The following COL8A1 variants were observed in gnomAD, a reference collection of about 807,000 sequenced individuals.
COL8A1 encodes collagen alpha-1(VIII) chain.
A neutral mutation model predicts 42.7 loss-of-function variants in COL8A1; 21 were observed. That is an observed-to-expected ratio of 0.49 (90% confidence interval 0.35 to 0.71). The LOEUF (loss-of-function observed/expected upper bound fraction) is 0.71. Ranked by LOEUF, COL8A1 falls within the 30% of genes least tolerant of loss-of-function variation. The pLI, the probability that COL8A1 is intolerant of heterozygous loss-of-function variation, is 0.01. For missense variants in COL8A1, 788 were observed against 962.4 expected (o/e 0.82, Z 2.40); for synonymous variants, 367 against 369.1 (o/e 0.99, Z 0.06).
intron 1 of COL8A1, among the ~76,000 whole-genome samples, chr3:99,689,253 C>T (rs965741866): frequency 2.0e-5 from 3 of 152,174 alleles, no homozygotes; most frequent in African/African-American, 4.8e-5. Flanking sequence ...ATGGCCTGTT[C>T]GAGTGTAGGG....
At chr3:99,652,645 C>T (rs1265214167) in intron 1 of COL8A1, among the ~76,000 whole-genome samples, 2 of 152,116 alleles carry the variant, frequency 1.3e-5, no homozygotes, top group African/African-American at 4.8e-5. Flanking sequence ...GCAAGGTTTG[C>T]TTAGGGAAAA....
At chr3:99,692,882 G>A (rs1939260588) in intron 1 of COL8A1, among the ~76,000 whole-genome samples, 1 of 152,246 alleles carries the variant, frequency 6.6e-6, no homozygotes, top group Non-Finnish European at 1.5e-5. Context: ...GCACATGGCT[G>A]GACGCGTGGC....
At chr3:99,656,734 G>A (rs748694938) in intron 1 of COL8A1, among the ~76,000 whole-genome samples, 3 of 152,176 alleles carry the variant, frequency 2.0e-5, no homozygotes, top group Non-Finnish European at 2.9e-5. Context: ...ACTGACTCAC[G>A]TCTTTTTCTA....
At chr3:99,730,266 C>T (rs1311150507) in intron 1 of COL8A1, among the ~76,000 whole-genome samples, 1 of 152,084 alleles carries the variant, frequency 6.6e-6, no homozygotes, top group Non-Finnish European at 1.5e-5. Context: ...TATGTGTTTC[C>T]TCTTCCTTCA....
At chr3:99,641,499 A>G (rs1384423006) in intron 1 of COL8A1, among the ~76,000 whole-genome samples, 4 of 152,204 alleles carry the variant, frequency 2.6e-5, no homozygotes, top group Admixed American at 2.0e-4. Context: ...TCTAAAAGCT[A>G]TACTATGAGT....
At chr3:99,657,728 T>C (rs1576416758) in intron 1 of COL8A1, among the ~76,000 whole-genome samples, 1 of 152,156 alleles carries the variant, frequency 6.6e-6, no homozygotes, top group Non-Finnish European at 1.5e-5. Flanking sequence ...GTGCCCCTCA[T>C]CCCATGCCTC....
chr3:99,670,394 T>C (rs892073357), intron 1 of COL8A1, among the ~76,000 whole-genome samples: 7 of 152,210 alleles, frequency 4.6e-5, no homozygotes, highest in Admixed American at 2.6e-4. Context: ...GCTAGGTTGA[T>C]GAGTAAACAT....
intron 1 of COL8A1, among the ~76,000 whole-genome samples, chr3:99,724,225 T>C (rs1940238462): frequency 6.6e-6 from 1 of 152,116 alleles, no homozygotes; most frequent in African/African-American, 2.4e-5. Flanking sequence ...TTGGTCCTCC[T>C]ATATGTCACA....
chr3:99,694,775 A>C (rs1479606322), intron 1 of COL8A1, among the ~76,000 whole-genome samples: 4 of 152,218 alleles, frequency 2.6e-5, no homozygotes, highest in African/African-American at 4.8e-5. Flanking sequence ...ATAGATCAGC[A>C]TTCTTCAGTG....
chr3:99,775,403 G>A (rs956130040), intron 2 of COL8A1, among the ~76,000 whole-genome samples: 1 of 152,168 alleles, frequency 6.6e-6, no homozygotes, highest in East Asian at 1.9e-4. Flanking sequence ...TGGGAAAAGA[G>A]GGCTGGGGTC....
intron 1 of COL8A1, among the ~76,000 whole-genome samples, chr3:99,646,619 C>G (rs773438669): frequency 2.6e-5 from 4 of 151,952 alleles, no homozygotes; most frequent in Non-Finnish European, 5.9e-5. Context: ...AGGAAGGGCT[C>G]AAAGTATTTA....
At chr3:99,674,750 T>C (rs1183888769) in intron 1 of COL8A1, among the ~76,000 whole-genome samples, 4 of 152,006 alleles carry the variant, frequency 2.6e-5, no homozygotes, top group African/African-American at 4.8e-5. Context: ...AATCAAATGT[T>C]TGAAGTTGGA....
chr3:99,785,282 G>C (rs530272248), intron 2 of COL8A1, among the ~76,000 whole-genome samples: 1 of 152,122 alleles, frequency 6.6e-6, no homozygotes, highest in Non-Finnish European at 1.5e-5. Context: ...AGCTGAATTA[G>C]GTATTTTTGA....
intron 1 of COL8A1, among the ~76,000 whole-genome samples, chr3:99,662,085 A>G (rs1428760066): frequency 1.3e-5 from 2 of 152,218 alleles, no homozygotes; most frequent in Non-Finnish European, 2.9e-5. Context: ...ACACTTAAAA[A>G]TGGTTAATAT....
intron 1 of COL8A1, among the ~76,000 whole-genome samples, chr3:99,655,506 C>G (rs973657526): frequency 2.0e-5 from 3 of 152,186 alleles, no homozygotes; most frequent in African/African-American, 7.2e-5. Flanking sequence ...CTGCAGCAGA[C>G]AGAGGCACAC....
intron 2 of COL8A1, among the ~76,000 whole-genome samples, chr3:99,789,772 C>T (rs1018756003): frequency 6.6e-6 from 1 of 152,182 alleles, no homozygotes. Flanking sequence ...ATTCATACAA[C>T]TCTTGCTTTG....
At chr3:99,711,346 C>A (rs1367551651) in intron 1 of COL8A1, among the ~76,000 whole-genome samples, 1 of 152,118 alleles carries the variant, frequency 6.6e-6, no homozygotes, top group Admixed American at 6.6e-5. Flanking sequence ...GAAAGTAAGT[C>A]ACTAATAGAA....
At chr3:99,755,377 T>C (rs1422807038) in intron 2 of COL8A1, among the ~76,000 whole-genome samples, 2 of 152,146 alleles carry the variant, frequency 1.3e-5, no homozygotes, top group African/African-American at 4.8e-5. Context: ...TAGTAAACAC[T>C]CCATTAATTC....
chr3:99,714,395 T>C (rs1216848691), intron 1 of COL8A1, among the ~76,000 whole-genome samples: 1 of 152,076 alleles, frequency 6.6e-6, no homozygotes, highest in Non-Finnish European at 1.5e-5. Context: ...CTGAAGCCTA[T>C]CCCATAAAGT....
Sources: allele counts gnomAD v4.1 joint callset (sites outside exome capture counted in the v4.1 genomes callset), GRCh38; gene constraint gnomAD v4.1.1; transcripts MANE v1.5; gene names NCBI Gene and HGNC (gene_info 2026-07-23, HGNC 2026-07-21).